The following PRELID2 variants were observed in gnomAD, a reference collection of about 807,000 sequenced individuals.
PRELID2 encodes the protein PRELI domain-containing protein 2.
Under a neutral mutation model 28.4 loss-of-function variants are expected in PRELID2, and 25 were observed. That is an observed-to-expected ratio of 0.88 (90% CI 0.64 to 1.23). PRELID2 has a LOEUF of 1.23. Ranked by LOEUF, PRELID2 falls within the 50% of genes most tolerant of loss-of-function variation. The probability of loss-of-function intolerance (pLI) is 0.00; values close to 1 mark genes in which losing one functional copy is unlikely to be tolerated. For synonymous variants in PRELID2, 76 were observed against 71.6 expected (o/e 1.06, Z -0.31); for missense variants, 201 against 214.4 (o/e 0.94, Z 0.39).
the PRELID2 span, among the ~76,000 whole-genome samples, chr5:145,337,128 A>C: frequency 6.6e-6 from 1 of 151,926 alleles, no homozygotes; most frequent in Non-Finnish European, 1.5e-5. Context: ...TAATAATAAT[A>C]AAAAGAACCC....
the PRELID2 span, among the ~76,000 whole-genome samples, chr5:145,260,853 A>G: frequency 6.6e-6 from 1 of 152,290 alleles, no homozygotes; most frequent in African/African-American, 2.4e-5. Context: ...TGCAGGCTCC[A>G]TGGGACAGCT....
At position 145,691,588 on chromosome 5, in the gene PRELID2, C is replaced by G. The variant is rs189205158; in HGVS notation, n.70+73343G>C. Among the ~76,000 whole-genome samples, 4 of 152,056 alleles carry G rather than the reference C, an allele frequency of 2.6e-5. No individual in the cohort carries two copies. In the East Asian group the frequency reaches 7.7e-4, roughly 29 times the overall value. On this transcript the variant is annotated intron_variant and non_coding_transcript_variant, in intron 1 of 2. Coordinates refer to the PRELID2 transcript ENST00000510259. ...AACAAAAATTCCAGGTGTGGTGGCA[C>G]GTGCCTGTAGTCCCAGCTACTCGGG...
the PRELID2 span, among the ~76,000 whole-genome samples, chr5:145,430,701 A>G: frequency 6.6e-6 from 1 of 152,178 alleles, no homozygotes; most frequent in Non-Finnish European, 1.5e-5. Flanking sequence ...AATGTGGTAT[A>G]TATCCTCGCC....
Position 145,716,044 on chromosome 5 carries a change from AT to A in PRELID2, n.70+48886del, listed in dbSNP as rs373173161. 2.5e-3 allele frequency among the ~76,000 whole-genome samples: 374 copies of A among 151,808 alleles called. 1 individual carries two copies. The highest frequency in any genetic ancestry group is 8.2e-3 in the African/African-American group (341 of 41,420). On this transcript the variant is annotated intron_variant and non_coding_transcript_variant, in intron 1 of 2. Coordinates refer to the PRELID2 transcript ENST00000510259. ...GTAAACTTTCTTAAAACATTATGAG[AT>A]TTTTTTTGGCGATTTTTTTTTAGCT... is the stretch of plus-strand genomic sequence containing the variant.
chr5:145,332,876 G>T, the PRELID2 span, among the ~76,000 whole-genome samples: 1 of 152,102 alleles, frequency 6.6e-6, no homozygotes. Flanking sequence ...CAGCCTTTTT[G>T]CACTGGCTTA....
At chr5:145,569,637 T>C (rs997230959) in intron 1 of PRELID2, among the ~76,000 whole-genome samples, 1 of 152,204 alleles carries the variant, frequency 6.6e-6, no homozygotes, top group Non-Finnish European at 1.5e-5. Flanking sequence ...AAAAAACCTA[T>C]GACAGTTTGC....
At chr5:145,274,216 A>G in the PRELID2 span, among the ~76,000 whole-genome samples, 1 of 152,172 alleles carries the variant, frequency 6.6e-6, no homozygotes, top group East Asian at 1.9e-4. Flanking sequence ...TGTGACTATT[A>G]AAGGCTATAG....
intron 1 of PRELID2, among the ~76,000 whole-genome samples, chr5:145,499,906 A>C (rs1337989087): frequency 6.6e-6 from 1 of 152,240 alleles, no homozygotes; most frequent in Non-Finnish European, 1.5e-5. Flanking sequence ...GAAATTCCAG[A>C]AGCTGAGCTT....
intron 1 of PRELID2, among the ~76,000 whole-genome samples, chr5:145,612,067 G>T (rs1265326243): frequency 6.6e-6 from 1 of 152,074 alleles, no homozygotes; most frequent in African/African-American, 2.4e-5. Flanking sequence ...ACTGATATTA[G>T]GACAATTGGA....
intron 1 of PRELID2, among the ~76,000 whole-genome samples, chr5:145,588,296 T>G (rs1317980683): frequency 6.6e-6 from 1 of 152,158 alleles, no homozygotes; most frequent in Non-Finnish European, 1.5e-5. Context: ...CCATCCAGAC[T>G]GTTCACGTTG....
the PRELID2 span, among the ~76,000 whole-genome samples, chr5:145,380,555 G>T: frequency 2.0e-5 from 3 of 152,018 alleles, no homozygotes; most frequent in African/African-American, 7.2e-5. Flanking sequence ...CTCTAAATCA[G>T]CACTTCTGAT....
intron 1 of PRELID2, among the ~76,000 whole-genome samples, chr5:145,685,668 G>T (rs1301352551): frequency 6.6e-6 from 1 of 152,204 alleles, no homozygotes; most frequent in South Asian, 2.1e-4. Flanking sequence ...ATTAATCAGA[G>T]AGAGACAGAG....
chr5:145,305,030 C>T, the PRELID2 span, among the ~76,000 whole-genome samples: 829 of 152,106 alleles, frequency 5.5e-3, 4 homozygotes, highest in Non-Finnish European at 8.9e-3. Flanking sequence ...CATTACAAAC[C>T]GCACTGTCCA....
chr5:145,378,779 A>G, the PRELID2 span, among the ~76,000 whole-genome samples: 1 of 152,078 alleles, frequency 6.6e-6, no homozygotes, highest in African/African-American at 2.4e-5. Flanking sequence ...TTTGAATTCT[A>G]TTTCTGTCAT....
chr5:145,374,792 T>C, the PRELID2 span, among the ~76,000 whole-genome samples: 1 of 152,186 alleles, frequency 6.6e-6, no homozygotes, highest in African/African-American at 2.4e-5. Context: ...TACTTGTATA[T>C]GTTTCATGAA....
At chr5:145,251,584 A>T in the PRELID2 span, among the ~76,000 whole-genome samples, 1 of 152,148 alleles carries the variant, frequency 6.6e-6, no homozygotes, top group East Asian at 1.9e-4. Flanking sequence ...AGTCAAGCAC[A>T]GCTGTAACAT....
intron 1 of PRELID2, among the ~76,000 whole-genome samples, chr5:145,516,721 G>T (rs529684844): frequency 5.1e-4 from 77 of 152,082 alleles, no homozygotes; most frequent in African/African-American, 1.7e-3. Flanking sequence ...GGCACCACAC[G>T]ACCTGATGTT....
chr5:145,475,009 A>C (rs1006373284), intron 1 of PRELID2, among the ~76,000 whole-genome samples: 1 of 152,206 alleles, frequency 6.6e-6, no homozygotes, highest in African/African-American at 2.4e-5. Flanking sequence ...AGTTCTTCTG[A>C]AAATTATGAA....
chr5:145,536,939 T>C (rs568289758), intron 1 of PRELID2, among the ~76,000 whole-genome samples: 1 of 151,970 alleles, frequency 6.6e-6, no homozygotes, highest in Non-Finnish European at 1.5e-5. Context: ...AAGAACTTTG[T>C]TGTGGAAGAG....
Sources: gnomAD v4.1 joint callset for allele counts (sites outside exome capture counted in the v4.1 genomes callset) on GRCh38, gnomAD v4.1.1 for gene constraint, MANE v1.5 for transcripts, NCBI Gene and HGNC (gene_info 2026-07-23, HGNC 2026-07-21) for gene names.